SCFD1: variants seen among roughly 807,000 people sequenced by gnomAD.
SCFD1 encodes sec1 family domain containing 1.
A neutral mutation model predicts 103.2 loss-of-function variants in SCFD1; 37 were observed. The observed-to-expected ratio is 0.36, with a 90% CI of 0.28 to 0.47. The LOEUF is 0.47. SCFD1 is among the 20% of genes least tolerant of loss of function. The pLI, the probability that SCFD1 is intolerant of heterozygous loss-of-function variation, is 1.00. For synonymous variants in SCFD1, 264 were observed against 245.0 expected, an observed-to-expected ratio of 1.08 and a Z score of -0.73; for missense variants, 639 against 761.2, an observed-to-expected ratio of 0.84 and a Z score of 1.89.
At chr14:30,679,003 G>A (rs760549802) in intron 14 of SCFD1, among the ~76,000 whole-genome samples, 1 of 152,062 alleles carries the variant, frequency 6.6e-6, no homozygotes, top group South Asian at 2.1e-4. Context: ...TTCCTTCTGA[G>A]GACTGACTTT....
At chr14:30,701,192 A>C (rs1891053784) in intron 16 of SCFD1, among the ~76,000 whole-genome samples, 1 of 152,232 alleles carries the variant, frequency 6.6e-6, no homozygotes, top group South Asian at 2.1e-4. Flanking sequence ...AATCTTTGGC[A>C]TATTAAGACA....
At chr14:30,733,084 C>T (rs1369241375) in intron 23 of SCFD1, among the ~76,000 whole-genome samples, 1 of 151,622 alleles carries the variant, frequency 6.6e-6, no homozygotes, top group Non-Finnish European at 1.5e-5. Context: ...TGGCTCACTG[C>T]AACCTCTGCC....
chr14:30,719,620 A>G (rs546721954), intron 21 of SCFD1, among the ~76,000 whole-genome samples: 1 of 152,266 alleles, frequency 6.6e-6, no homozygotes, highest in African/African-American at 2.4e-5. Flanking sequence ...GTTTTTATGA[A>G]ATGGTGGAGG....
In SCFD1 at chr14:30,700,118, C is replaced by T; in HGVS notation, c.1340-70C>T. ...TATATATGCCTTGAAATGTAACATA[C>T]TTGTGTTGACTATAATACATAATAA... On this transcript the variant is annotated intron_variant, in intron 15 of 24. Transcript: ENST00000458591. 4 of 1,067,854 alleles carry T rather than the reference C, an allele frequency of 3.7e-6. No homozygotes were observed. The South Asian group carries it at 4.1e-5, about 11-fold the overall frequency. 66.1% of individuals were successfully genotyped at this position (1,067,854 alleles called of 1,614,324 possible). A position where few individuals can be genotyped will look rare whatever the true frequency, so the allele number is the denominator to read the frequency against.
intron 23 of SCFD1, among the ~76,000 whole-genome samples, chr14:30,732,472 T>G (rs1893543887): frequency 6.6e-6 from 1 of 152,184 alleles, no homozygotes; most frequent in Non-Finnish European, 1.5e-5. Context: ...CTCCCCAGTT[T>G]ATTGTCCTGA....
At chr14:30,680,056 C>T (rs547908081) in intron 14 of SCFD1, among the ~76,000 whole-genome samples, 2 of 152,160 alleles carry the variant, frequency 1.3e-5, no homozygotes, top group Non-Finnish European at 2.9e-5. Context: ...GTGGAATATC[C>T]TTCAACTCCT....
rs1246711915 is a variant in SCFD1 at position 30,734,994 on chromosome 14, G to T, written c.1905+136G>T. Reference sequence around the variant, plus strand: ...AGCCATCCAGCTATACCAAGATAAGGTGTTTTCATGGACGACTAAGAAAAC... The same window carrying T: ...AGCCATCCAGCTATACCAAGATAAGTTGTTTTCATGGACGACTAAGAAAAC... On this transcript the variant is annotated intron_variant, in intron 24 of 24. Coordinates refer to ENST00000458591, the MANE Select transcript of SCFD1 (RefSeq NM_016106.4). 5 of 625,160 alleles carry T rather than the reference G, an allele frequency of 8.0e-6. No individual in the cohort carries two copies. The Admixed American group carries it at 1.4e-4, about 18-fold the overall frequency. 38.7% of individuals were successfully genotyped at this position (625,160 alleles called of 1,614,324 possible).
intron 14 of SCFD1, among the ~76,000 whole-genome samples, chr14:30,694,508 TA>T (rs947666596): frequency 6.8e-5 from 10 of 147,308 alleles, no homozygotes; most frequent in East Asian, 2.0e-4. Flanking sequence ...CCCATCTCTA[TA>T]AAAAAAAAAT....
Position 30,622,410 on chromosome 14 carries a change from A to G in SCFD1, c.61+11A>G. ...GGGAAAGGCAGACAGGTACTGACTT[A>G]TTCTCTTCTCCTTGAAGCTTCGTGA... On this transcript the variant is annotated intron_variant, in intron 1 of 24. Transcript: ENST00000458591. 6.4e-7 allele frequency: 1 copy of G among 1,551,696 alleles called. No homozygotes were observed. The highest frequency in any genetic ancestry group is 8.7e-7 in the Non-Finnish European group (1 of 1,146,942).
At chr14:30,648,833 G>C (rs2139091980) in intron 7 of SCFD1, among the ~76,000 whole-genome samples, 1 of 152,152 alleles carries the variant, frequency 6.6e-6, no homozygotes, top group Middle Eastern at 3.4e-3. Context: ...AATTAGCCAG[G>C]CTTGGTGGCC....
intron 8 of SCFD1, 122 bp from the exon 9 acceptor site, chr14:30,650,443 A>G: frequency 1.5e-6 from 1 of 660,856 alleles, no homozygotes; most frequent in Non-Finnish European, 2.7e-6. Flanking sequence ...TTTAGATATT[A>G]GATTTGCTAT....
chr14:30,622,565 G>T (rs1882954151), intron 1 of SCFD1, 166 bp downstream of exon 1: 1 of 1,243,496 alleles, frequency 8.0e-7, no homozygotes, highest in Non-Finnish European at 1.1e-6. Context: ...CCATTAGCTT[G>T]AGGACTCGGT....
intron 10 of SCFD1, among the ~76,000 whole-genome samples, chr14:30,667,966 G>A (rs1276022454): frequency 2.6e-5 from 4 of 152,128 alleles, no homozygotes; most frequent in East Asian, 1.9e-4. Context: ...TCGTGAAAAC[G>A]GCCATACTGC....
chr14:30,625,560 T>C (rs1283247456), intron 1 of SCFD1, among the ~76,000 whole-genome samples: 2 of 151,126 alleles, frequency 1.3e-5, no homozygotes, highest in Non-Finnish European at 2.9e-5. Flanking sequence ...TTGTAAACTC[T>C]GAACACAGGC....
intron 7 of SCFD1, among the ~76,000 whole-genome samples, chr14:30,648,991 A>AT (rs397852152): frequency 6.6e-6 from 1 of 151,092 alleles, no homozygotes; most frequent in East Asian, 1.9e-4. Flanking sequence ...AAAAAAAAAA[A>AT]GGAAAGAAAA....
intron 11 of SCFD1, 29 bp downstream of exon 11, chr14:30,670,424 TC>T (rs1888427583): frequency 6.8e-7 from 1 of 1,463,230 alleles, no homozygotes; most frequent in South Asian, 1.3e-5. Flanking sequence ...AGTAAAAGAT[TC>T]ATTTTTTTAA....
intron 10 of SCFD1, among the ~76,000 whole-genome samples, chr14:30,661,215 C>G (rs1887419523): frequency 6.6e-6 from 1 of 152,166 alleles, no homozygotes; most frequent in African/African-American, 2.4e-5. Flanking sequence ...AAGGCTGAGT[C>G]TTCCTGTTTC....
chr14:30,637,136 G>T (rs1395461900), intron 4 of SCFD1, among the ~76,000 whole-genome samples: 1 of 151,916 alleles, frequency 6.6e-6, no homozygotes, highest in Non-Finnish European at 1.5e-5. Flanking sequence ...AATGGAAAAA[G>T]TTAGGAAATT....
chr14:30,692,941 C>T (rs1383907138), intron 14 of SCFD1, among the ~76,000 whole-genome samples: 1 of 152,218 alleles, frequency 6.6e-6, no homozygotes, highest in African/African-American at 2.4e-5. Context: ...TCCATTCCCA[C>T]AGCCACTACT....
Sources: gnomAD v4.1 joint callset for allele counts (sites outside exome capture counted in the v4.1 genomes callset) on GRCh38, gnomAD v4.1.1 for gene constraint, MANE v1.5 for transcripts, NCBI Gene and HGNC (gene_info 2026-07-23, HGNC 2026-07-21) for gene names.